SSBP2: variants seen among roughly 807,000 people sequenced by gnomAD.
SSBP2 encodes the protein single-stranded DNA-binding protein 2.
Under a neutral mutation model 61.8 loss-of-function variants are expected in SSBP2, and 17 were observed. That is an observed-to-expected ratio of 0.28 (90% confidence interval 0.19 to 0.41). The LOEUF is 0.41. Among genes scored for constraint, SSBP2 ranks in the 10% least tolerant of loss-of-function variants. The probability of loss-of-function intolerance (pLI) is 1.00; values close to 1 mark genes in which losing one functional copy is unlikely to be tolerated. For synonymous variants in SSBP2, 139 were observed against 141.3 expected (o/e 0.98, Z 0.12); for missense variants, 310 against 458.7 (o/e 0.68, Z 2.96).
chr5:81,453,403 TAAG>T (rs896502746), intron 10 of SSBP2, among the ~76,000 whole-genome samples: 6 of 151,218 alleles, frequency 4.0e-5, no homozygotes, highest in African/African-American at 1.5e-4. Flanking sequence ...GTTAGATTTT[TAAG>T]AAGGAGGTAG....
At chr5:81,539,280 T>G (rs184183779) in intron 4 of SSBP2, among the ~76,000 whole-genome samples, 34 of 152,316 alleles carry the variant, frequency 2.2e-4, no homozygotes, top group African/African-American at 5.8e-4. Flanking sequence ...AAGTGGAGCC[T>G]GAAGATGTGA....
chr5:81,729,620 T>C (rs1042260725), intron 1 of SSBP2, among the ~76,000 whole-genome samples: 4 of 152,184 alleles, frequency 2.6e-5, no homozygotes, highest in Non-Finnish European at 5.9e-5. Context: ...CTTACTCTCA[T>C]AGTATTTAAC....
chr5:81,575,273 A>C (rs1774125526), intron 4 of SSBP2, among the ~76,000 whole-genome samples: 1 of 152,226 alleles, frequency 6.6e-6, no homozygotes, highest in Non-Finnish European at 1.5e-5. Context: ...GTCTCAAAAA[A>C]ACAAAAAAAA....
intron 3 of SSBP2, among the ~76,000 whole-genome samples, chr5:81,627,053 CT>C (rs1210041706): frequency 6.6e-6 from 1 of 152,110 alleles, no homozygotes; most frequent in African/African-American, 2.4e-5. Flanking sequence ...TTAAAAGAAG[CT>C]TAAAGGTACT....
chr5:81,501,587 G>C (rs1306349663), intron 5 of SSBP2, among the ~76,000 whole-genome samples: 2 of 134,576 alleles, frequency 1.5e-5, no homozygotes, highest in Non-Finnish European at 3.2e-5. Context: ...TTTTGAGATG[G>C]AGTCTCACTC....
At chr5:81,729,662 G>T (rs894820758) in intron 1 of SSBP2, among the ~76,000 whole-genome samples, 4 of 152,014 alleles carry the variant, frequency 2.6e-5, no homozygotes, top group African/African-American at 7.2e-5. Flanking sequence ...TTCATAAAAT[G>T]AACATGTTTC....
In SSBP2 at chr5:81,432,912, C is replaced by T. The variant is rs551381653; in HGVS notation, c.958-4229G>A. The stretch of plus-strand genomic sequence containing the variant: ...TGAGGAGCCCCTCTGCCCGGCCAGC[C>T]ACCCCGTCCGGGAGGGAGGTGGGGG... On this transcript the variant is annotated intron_variant, in intron 15 of 16. Transcript: ENST00000320672. 5.0e-3 allele frequency among the ~76,000 whole-genome samples: 718 copies of T among 144,544 alleles called. 7 individuals carry two copies. The highest frequency in any genetic ancestry group is 0.014 in the African/African-American group (522 of 38,324). 94.8% of individuals were successfully genotyped at this position (144,544 alleles called of 152,430 possible).
chr5:81,708,845 A>C (rs929184405), intron 1 of SSBP2, among the ~76,000 whole-genome samples: 1 of 151,980 alleles, frequency 6.6e-6, no homozygotes, highest in Non-Finnish European at 1.5e-5. Context: ...AAGTGTGTTG[A>C]TCTTTACTCC....
At chr5:81,610,383 TA>T (rs1745327155) in intron 4 of SSBP2, among the ~76,000 whole-genome samples, 1 of 152,204 alleles carries the variant, frequency 6.6e-6, no homozygotes, top group Non-Finnish European at 1.5e-5. Context: ...AAAAAGATAT[TA>T]ACAAATATAT....
intron 4 of SSBP2, among the ~76,000 whole-genome samples, chr5:81,589,923 T>C (rs1262801845): frequency 6.6e-6 from 1 of 152,044 alleles, no homozygotes; most frequent in African/African-American, 2.4e-5. Context: ...ATGATTAGCA[T>C]TAATCCATTC....
At chr5:81,625,339 A>G (rs1747039986) in intron 3 of SSBP2, among the ~76,000 whole-genome samples, 1 of 152,146 alleles carries the variant, frequency 6.6e-6, no homozygotes, top group Admixed American at 6.5e-5. Context: ...TTGAACCTCT[A>G]AAGATGCAGA....
intron 1 of SSBP2, among the ~76,000 whole-genome samples, chr5:81,657,595 A>T (rs1426556921): frequency 1.3e-5 from 2 of 152,194 alleles, no homozygotes; most frequent in African/African-American, 4.8e-5. Context: ...AGTATGGCCA[A>T]CTTGGAGTTG....
chr5:81,646,034 T>C (rs1330413097), intron 2 of SSBP2, among the ~76,000 whole-genome samples: 1 of 152,200 alleles, frequency 6.6e-6, no homozygotes, highest in African/African-American at 2.4e-5. Flanking sequence ...CAATTTCTGA[T>C]AGCCCAGGAC....
chr5:81,537,323 A>G (rs1483939911), intron 4 of SSBP2, among the ~76,000 whole-genome samples: 1 of 152,146 alleles, frequency 6.6e-6, no homozygotes, highest in Non-Finnish European at 1.5e-5. Flanking sequence ...GACAATGCTG[A>G]TGAGACCTGA....
Position 81,445,946 on chromosome 5 carries a change from C to T in SSBP2, c.778+922G>A, listed in dbSNP as rs969771268. 1.4e-4 allele frequency among the ~76,000 whole-genome samples: 22 copies of T among 152,056 alleles called. No individual in the cohort carries two copies. In the Middle Eastern group the frequency reaches 0.01, roughly 71 times the overall value. ...ATTGAATCATGAGATTTTATTTTTC[C>T]ATGTCATTACAAATTCTTTGATAAT... On this transcript the variant is annotated intron_variant, in intron 12 of 16. Coordinates refer to ENST00000320672, the MANE Select transcript of SSBP2 (RefSeq NM_012446.5).
At chr5:81,709,439 T>C (rs1315805225) in intron 1 of SSBP2, among the ~76,000 whole-genome samples, 1 of 152,026 alleles carries the variant, frequency 6.6e-6, no homozygotes, top group Non-Finnish European at 1.5e-5. Context: ...CATAGCTTTT[T>C]CCATCTTCTC....
intron 1 of SSBP2, among the ~76,000 whole-genome samples, chr5:81,651,432 T>G (rs1749720454): frequency 6.6e-6 from 1 of 152,200 alleles, no homozygotes; most frequent in South Asian, 2.1e-4. Context: ...TCTGTCCATT[T>G]AATTCTTTCC....
intron 3 of SSBP2, among the ~76,000 whole-genome samples, chr5:81,622,106 T>G (rs922878514): frequency 9.1e-6 from 1 of 109,722 alleles, no homozygotes; most frequent in African/African-American, 3.4e-5. Context: ...TAGAGTATAA[T>G]AAAAAAAAAA....
chr5:81,655,042 T>C (rs947821443), intron 1 of SSBP2, among the ~76,000 whole-genome samples: 1 of 151,986 alleles, frequency 6.6e-6, no homozygotes, highest in Non-Finnish European at 1.5e-5. Context: ...CCCACTGATT[T>C]GGGAGGCTGA....
Sources: allele counts gnomAD v4.1 joint callset (sites outside exome capture counted in the v4.1 genomes callset), GRCh38; gene constraint gnomAD v4.1.1; transcripts MANE v1.5; gene names NCBI Gene and HGNC (gene_info 2026-07-23, HGNC 2026-07-21).